Variants in CRISP1 observed in about 807,000 individuals in gnomAD.
The protein encoded by CRISP1 is cysteine-rich secretory protein 1.
In CRISP1, 44 loss-of-function variants were observed where a neutral mutation model predicts 33.1. The observed-to-expected ratio is 1.33, with a 90% CI of 1.05 to 1.71. CRISP1 has a LOEUF of 1.71. Ranked by LOEUF, CRISP1 falls within the 40% of genes most tolerant of loss-of-function variation. The pLI is 0.00. For synonymous variants in CRISP1, 103 were observed against 98.7 expected, an observed-to-expected ratio of 1.04 and a Z score of -0.26; for missense variants, 390 against 301.2, an observed-to-expected ratio of 1.29 and a Z score of -2.18.
chr6:49,840,102 A>T (rs1300132916), intron 6 of CRISP1, among the ~76,000 whole-genome samples: 3 of 152,230 alleles, frequency 2.0e-5, no homozygotes, highest in African/African-American at 7.2e-5. Context: ...ACTGACTTTT[A>T]TCAGCAGAAG....
At chr6:49,845,357 A>G (rs1771128839) in intron 5 of CRISP1, among the ~76,000 whole-genome samples, 1 of 152,154 alleles carries the variant, frequency 6.6e-6, no homozygotes, top group African/African-American at 2.4e-5. Context: ...GAAAGCTTTC[A>G]CTAGAAACTA....
At chr6:49,854,566 C>T (rs1008566490) in intron 2 of CRISP1, among the ~76,000 whole-genome samples, 1 of 152,164 alleles carries the variant, frequency 6.6e-6, no homozygotes, top group African/African-American at 2.4e-5. Context: ...GATAAACAAG[C>T]AACCATCATT....
intron 7 of CRISP1, among the ~76,000 whole-genome samples, chr6:49,837,901 T>TAAA (rs56006658): frequency 0.087 from 12,557 of 144,146 alleles, 727 homozygotes; most frequent in Non-Finnish European, 0.13. Context: ...TTCAAGAAAT[T>TAAA]AAAAAAAAAA....
intron 6 of CRISP1, among the ~76,000 whole-genome samples, chr6:49,839,235 G>T (rs1376726093): frequency 2.7e-5 from 2 of 74,574 alleles, no homozygotes; most frequent in Non-Finnish European, 5.0e-5. Flanking sequence ...GAAAGTTTGA[G>T]AAAAGCCTGG....
chr6:49,876,911 T>C (rs368517471), intron 1 of CRISP1: 7 of 151,928 alleles, frequency 4.6e-5, no homozygotes, highest in African/African-American at 1.7e-4. Context: ...AGGGAGAGCA[T>C]CAGGAAGAAT....
intron 1 of CRISP1, among the ~76,000 whole-genome samples, chr6:49,874,423 C>A (rs1561953513): frequency 6.6e-6 from 1 of 152,030 alleles, no homozygotes; most frequent in Non-Finnish European, 1.5e-5. Flanking sequence ...TGATAATGTG[C>A]AAAGAGTAAT....
At chr6:49,859,400 G>GA (rs76029848) in intron 1 of CRISP1, among the ~76,000 whole-genome samples, 1,899 of 102,724 alleles carry the variant, frequency 0.018, 31 homozygotes, top group African/African-American at 0.059. Flanking sequence ...AGTGCTGAAA[G>GA]AAAAAAAAAA....
chr6:49,846,370 TCC>T, intron 5 of CRISP1, 148 bp downstream of exon 5: 1 of 783,506 alleles, frequency 1.3e-6, no homozygotes, highest in Admixed American at 2.9e-5. Context: ...ACAGAACACT[TCC>T]TTCTATTTCA....
At chr6:49,849,154 T>A (rs1279362290) in intron 3 of CRISP1, among the ~76,000 whole-genome samples, 1 of 152,164 alleles carries the variant, frequency 6.6e-6, no homozygotes, top group Non-Finnish European at 1.5e-5. Context: ...TCTGTAAGTA[T>A]GACACTCTGT....
chr6:49,841,147 C>T (rs1016511152), intron 5 of CRISP1, 152 bp from the exon 6 acceptor site: 106 of 649,924 alleles, frequency 1.6e-4, no homozygotes, highest in South Asian at 5.3e-4. Flanking sequence ...CAAAAGGACT[C>T]CCACGTGTCT....
chr6:49,866,228 C>T (rs1277285156), intron 1 of CRISP1, among the ~76,000 whole-genome samples: 1 of 152,112 alleles, frequency 6.6e-6, no homozygotes, highest in Non-Finnish European at 1.5e-5. Context: ...TGTAATATTA[C>T]TTTATATTTG....
rs1771247291 is a variant in CRISP1, at chr6:49,848,255, C to T, written c.240G>A (p.Lys80=). 3.1e-6 allele frequency: 5 copies of T among 1,604,942 alleles called. No homozygotes were observed. Among genetic ancestry groups the T allele is most frequent in the Non-Finnish European group, 3.4e-6 (4 of 1,176,574 alleles). The change falls in exon 4 of 8, where the codon AAG becomes AAA. Residue 80 remains lysine (K), a synonymous_variant. Transcript: ENST00000335847. ...EAAQNARIFS[K]YCDMTESNPL... ...GGTTGCTCTCTGTCATATCACAATA[C>T]TTTGAAAAAATTCTGGCATTTTGTG...
chr6:49,852,095 AC>A lies in CRISP1; in HGVS notation c.100del (p.Val34SerfsTer22), dbSNP rs753199391. The A allele has an allele frequency of 1.4e-5, 22 of 1,613,122 alleles. No homozygotes were observed. Among genetic ancestry groups the A allele is most frequent in the Admixed American group, 5.0e-5 (3 of 59,874 alleles). ...KSARDQFNKLVTDLPNVQEEI... is the reference protein window; with the variant it reads ...KSARDQFNKLXTDLPNVQEEI... ...TTCTTGTACATTTGGCAAGTCGGTG[AC>A]GAGCTTATTAAATTGGTCTCTAGCT... On this transcript the variant is annotated frameshift_variant, in exon 3 of 8. Transcript: ENST00000335847. LOFTEE classifies it high-confidence loss of function.
At chr6:49,870,460 G>A (rs960260436), upstream of CRISP1, among the ~76,000 whole-genome samples, 2 of 152,144 alleles carry the variant, frequency 1.3e-5, no homozygotes, top group Admixed American at 1.3e-4. Context: ...GGAGCTGTGT[G>A]GAAAGGGCTG....
chr6:49,840,864 G>A (rs1219555696), intron 6 of CRISP1, 34 bp downstream of exon 6: 1 of 1,510,760 alleles, frequency 6.6e-7, no homozygotes, highest in Non-Finnish European at 9.1e-7. Flanking sequence ...GTTACTTTAG[G>A]GGGATATATA....
At chr6:49,840,441 C>T (rs1305376083) in intron 6 of CRISP1, among the ~76,000 whole-genome samples, 1 of 152,148 alleles carries the variant, frequency 6.6e-6, no homozygotes, top group African/African-American at 2.4e-5. Context: ...ACACTTGGCT[C>T]TTTCTATTTG....
At chr6:49,839,458 A>C (rs540684383) in intron 6 of CRISP1, among the ~76,000 whole-genome samples, 1 of 152,182 alleles carries the variant, frequency 6.6e-6, no homozygotes, top group East Asian at 1.9e-4. Flanking sequence ...CTCAAAAGGA[A>C]AAACAAAAAA....
intron 1 of CRISP1, among the ~76,000 whole-genome samples, chr6:49,876,318 A>G (rs1265379811): frequency 1.3e-5 from 2 of 152,216 alleles, no homozygotes; most frequent in South Asian, 2.1e-4. Flanking sequence ...AGAGAAATGC[A>G]AATCAAAACC....
At chr6:49,846,460 C>A (rs192720869) in intron 5 of CRISP1, 60 bp downstream of exon 5, 35 of 1,516,198 alleles carry the variant, frequency 2.3e-5, no homozygotes, top group Non-Finnish European at 3.0e-5. Flanking sequence ...TTCTTAGTTA[C>A]GTTTCCACAC....
Sources: allele counts gnomAD v4.1 joint callset (sites outside exome capture counted in the v4.1 genomes callset), GRCh38; gene constraint gnomAD v4.1.1; transcripts MANE v1.5; gene names NCBI Gene and HGNC (gene_info 2026-07-23, HGNC 2026-07-21).